Variants in NSDHL observed in about 807,000 individuals in gnomAD.
NSDHL encodes NAD(P) dependent 3-beta-hydroxysteroid dehydrogenase NSDHL, also known as sterol-4-alpha-carboxylate 3-dehydrogenase, decarboxylating.
A neutral mutation model predicts 23.0 loss-of-function variants in NSDHL; 1 was observed. The observed-to-expected ratio is 0.04, with a 90% CI of 0.02 to 0.21. NSDHL has a LOEUF of 0.21. NSDHL is among the 10% of genes least tolerant of loss of function. NSDHL has a pLI of 1.00. For synonymous variants in NSDHL, 128 were observed against 121.1 expected (o/e 1.06, Z -0.37); for missense variants, 237 against 300.9 (o/e 0.79, Z 1.57).
In NSDHL at chrX:152,838,116, T is replaced by C. The variant is rs1387464164; in HGVS notation, c.-44+6999T>C. ...TTTATAGTATTCTCTGATGGTAGTT[T>C]GTATTTCTGTGGGATCGGTGGTGAT... On this transcript the variant is annotated intron_variant, in intron 1 of 7. Coordinates refer to ENST00000370274, the MANE Select transcript of NSDHL (RefSeq NM_015922.3). Among the ~76,000 whole-genome samples, 4 of 112,326 alleles carry C rather than the reference T, an allele frequency of 3.6e-5. No individual in the cohort carries two copies. In the East Asian group the frequency reaches 1.1e-3, roughly 31 times the overall value.
At chrX:152,866,615 C>T (rs933929445) in intron 6 of NSDHL, among the ~76,000 whole-genome samples, 3 of 110,547 alleles carry the variant, frequency 2.7e-5, no homozygotes, top group Non-Finnish European at 5.7e-5. Flanking sequence ...TGCTGGCTTC[C>T]AGCCATCCTT....
intron 1 of NSDHL, among the ~76,000 whole-genome samples, chrX:152,844,716 G>A (rs782392519): frequency 3.6e-5 from 4 of 112,624 alleles, no homozygotes; most frequent in African/African-American, 9.7e-5. Context: ...GCATGTATGC[G>A]ATGGAGAGCA....
chrX:152,834,424 G>A (rs1387592401), intron 1 of NSDHL, among the ~76,000 whole-genome samples: 1 of 113,085 alleles, frequency 8.8e-6, no homozygotes, highest in Admixed American at 9.3e-5. Flanking sequence ...CCGCAGGTCC[G>A]TGGAAGGACA....
At chrX:152,868,623 G>A (rs1231197188) in intron 7 of NSDHL, among the ~76,000 whole-genome samples, 161 bp from the exon 8 acceptor site, 1 of 112,480 alleles carries the variant, frequency 8.9e-6, no homozygotes, top group Non-Finnish European at 1.9e-5. Flanking sequence ...TTCATTGTCT[G>A]CCCTTTCTAT....
At chrX:152,848,750 A>T (rs1321861539) in intron 2 of NSDHL, among the ~76,000 whole-genome samples, 1 of 112,170 alleles carries the variant, frequency 8.9e-6, no homozygotes, top group Non-Finnish European at 1.9e-5. Flanking sequence ...CAGGTTGGGA[A>T]ACAGGCAGCT....
chrX:152,861,820 A>G (rs1933533804), intron 4 of NSDHL, among the ~76,000 whole-genome samples: 1 of 112,506 alleles, frequency 8.9e-6, no homozygotes, highest in African/African-American at 3.2e-5. Context: ...TAATTTTTGT[A>G]TATTGATTTT....
At position 152,853,894 on chromosome X, in the gene NSDHL, G is replaced by A. The variant is rs896332542; in HGVS notation, c.267+3471G>A. On this transcript the variant is annotated intron_variant, in intron 3 of 7. Coordinates refer to ENST00000370274, the MANE Select transcript of NSDHL (RefSeq NM_015922.3). ...CTGCATAACACCTGCCAGTACGGAC[G>A]TCCTCTAGATTTACTTGTTTGTTTG... Among the ~76,000 whole-genome samples, 12 of 112,180 alleles carry A rather than the reference G, an allele frequency of 1.1e-4. No individual in the cohort carries two copies. The Admixed American group carries it at 1.1e-3, about 11-fold the overall frequency.
At chrX:152,857,277 G>T (rs901290929) in intron 3 of NSDHL, among the ~76,000 whole-genome samples, 2 of 112,338 alleles carry the variant, frequency 1.8e-5, no homozygotes, top group African/African-American at 6.5e-5. Flanking sequence ...ACATGCTACA[G>T]ATTACTTATC....
intron 7 of NSDHL, among the ~76,000 whole-genome samples, chrX:152,868,456 C>A (rs1189923709): frequency 1.8e-5 from 2 of 112,175 alleles, no homozygotes; most frequent in African/African-American, 6.5e-5. Context: ...TGATTTAAAA[C>A]AAGCAGAACA....
intron 4 of NSDHL, among the ~76,000 whole-genome samples, chrX:152,860,850 C>A (rs782558626): frequency 5.3e-5 from 6 of 112,460 alleles, no homozygotes; most frequent in Admixed American, 9.4e-5. Context: ...CTTCTTGTAG[C>A]CATGGATAGC....
At chrX:152,845,559 CCT>C (rs782679211) in intron 1 of NSDHL, among the ~76,000 whole-genome samples, 3 of 111,693 alleles carry the variant, frequency 2.7e-5, no homozygotes, top group Non-Finnish European at 5.6e-5. Context: ...AAGCCATACT[CCT>C]CTGTTTGGCA....
At chrX:152,854,783 G>C (rs1274012730) in intron 3 of NSDHL, among the ~76,000 whole-genome samples, 1 of 109,565 alleles carries the variant, frequency 9.1e-6, no homozygotes, top group African/African-American at 3.3e-5. Flanking sequence ...TATTTGGAAG[G>C]CCAAGGTGGG....
chrX:152,864,078 A>G (rs1403368663), intron 5 of NSDHL, among the ~76,000 whole-genome samples: 1 of 110,335 alleles, frequency 9.1e-6, no homozygotes, highest in African/African-American at 3.3e-5. Context: ...TGCCCGGCTA[A>G]TTTTTGTATT....
rs1933550049 is a variant in NSDHL at position 152,862,909 on chromosome X, C to T, written c.543+185C>T. On this transcript the variant is annotated intron_variant, in intron 5 of 7. Transcript: ENST00000370274. ...GGGCACGGTGGCTCACGCTTATAAT[C>T]CCAGCACTTTGGGAGGCCGAGGTGG... is the stretch of plus-strand genomic sequence containing the variant. 2.7e-5 allele frequency among the ~76,000 whole-genome samples: 3 copies of T among 111,884 alleles called. 1 individual carries two copies. Among genetic ancestry groups the T allele is most frequent in the South Asian group, 7.4e-4 (2 of 2,704 alleles).
chrX:152,862,998 C>T (rs1933551231), intron 5 of NSDHL, among the ~76,000 whole-genome samples: 2 of 110,843 alleles, frequency 1.8e-5, no homozygotes, highest in Admixed American at 9.6e-5. Flanking sequence ...CCCATCTCTA[C>T]TAAAAATACA....
chrX:152,839,900 A>G (rs1405077089), intron 1 of NSDHL, among the ~76,000 whole-genome samples: 1 of 112,444 alleles, frequency 8.9e-6, no homozygotes, highest in Non-Finnish European at 1.9e-5. Context: ...GTGTTTTCCA[A>G]CTTGGTTCCA....
rs782376691 is a variant in NSDHL, at chrX:152,865,840, C to T, written c.565C>T (p.Pro189Ser). Residue 189 changes from proline (P) to serine (S), a missense_variant, in exon 6 of 8, where the codon CCT (proline) becomes TCT (serine). Pro to Ser is a moderately conservative substitution (Grantham distance 74, BLOSUM62 -1). Around this residue, in one of 3 missense-constraint regions of NSDHL, gnomAD observed 39 missense variants for 98.1 expected, o/e 0.40. Coordinates refer to ENST00000370274, the MANE Select transcript of NSDHL (RefSeq NM_015922.3). ...CCAGGCAGTTCTGGGCGCCAACGAT[C>T]CTGAGAAGAATTTCTTAACCACAGC... is the stretch of plus-strand genomic sequence containing the variant. ...QERAVLGAND[P>S]EKNFLTTAIR... The T allele has an allele frequency of 1.3e-5, 16 of 1,212,487 alleles. No individual in the cohort carries two copies. Among genetic ancestry groups the T allele is most frequent in the Non-Finnish European group, 1.6e-5 (14 of 895,651 alleles).
In NSDHL at chrX:152,846,393, C is replaced by G; in HGVS notation, c.69C>G (p.Pro23=). 1 of 1,207,980 alleles carries G rather than the reference C, an allele frequency of 8.3e-7. No homozygotes were observed. Among genetic ancestry groups the G allele is most frequent in the Non-Finnish European group, 1.1e-6 (1 of 891,903 alleles). ...VARTHLTEDT[P]KVNADIEKVN... Reference sequence around the variant, plus strand: ...GGACTCATTTGACAGAGGACACTCCCAAAGTGAATGCTGACATAGAAAAGG... The same window carrying G: ...GGACTCATTTGACAGAGGACACTCCGAAAGTGAATGCTGACATAGAAAAGG... The change falls in exon 2 of 8, where the codon CCC becomes CCG. Residue 23 remains proline, a synonymous_variant. Transcript: ENST00000370274.
rs1556845525 is a variant in NSDHL at position 152,846,227 on chromosome X, T to C, written c.-43-55T>C. 1.6e-4 allele frequency: 106 copies of C among 652,405 alleles called. 1 individual carries two copies. The South Asian group carries it at 1.9e-3, about 12-fold the overall frequency. The allele number at this position is 652,405 out of a possible 1,213,427, so 53.8% of individuals were successfully genotyped here. On this transcript the variant is annotated intron_variant, in intron 1 of 7. Transcript: ENST00000370274. ...GGCATCTGCCCAAAACACTAACAAC[T>C]AAAGATGTTTTGACTTAGGCAACAT...
Sources: gnomAD v4.1 joint callset for allele counts (sites outside exome capture counted in the v4.1 genomes callset) on GRCh38, gnomAD v4.1.1 for gene constraint, gnomAD v4.1.1 regional missense constraint, MANE v1.5 for transcripts, NCBI Gene and HGNC (gene_info 2026-07-23, HGNC 2026-07-21) for gene names.